CCND1: variants seen among roughly 807,000 people sequenced by gnomAD.
CCND1 encodes the protein cyclin D1, also known as G1/S-specific cyclin-D1.
In CCND1, 9 loss-of-function variants were observed where a neutral mutation model predicts 26.1. That is an observed-to-expected ratio of 0.35 (90% confidence interval 0.21 to 0.60). The LOEUF is 0.60. Ranked by LOEUF, CCND1 falls within the 20% of genes least tolerant of loss-of-function variation. CCND1 has a pLI of 0.79. For synonymous variants in CCND1, 194 were observed against 166.1 expected (o/e 1.17, Z -1.29); for missense variants, 335 against 392.9 (o/e 0.85, Z 1.25).
chr11:69,648,690 GAATT>G (rs1460375534), intron 4 of CCND1, among the ~76,000 whole-genome samples: 2 of 141,908 alleles, frequency 1.4e-5, no homozygotes, highest in Non-Finnish European at 3.2e-5. Context: ...CTTAAAGAAA[GAATT>G]AAAATGACAA....
intron 3 of CCND1, among the ~76,000 whole-genome samples, chr11:69,645,319 G>A (rs1013697498): frequency 2.0e-5 from 3 of 152,176 alleles, no homozygotes; most frequent in Admixed American, 2.0e-4. Flanking sequence ...AGAGAACGTG[G>A]GGCGTGGTTC....
chr11:69,641,262 G>T lies in CCND1; in HGVS notation c.-52G>T. 1 of 1,550,070 alleles carries T rather than the reference G, an allele frequency of 6.5e-7. No homozygotes were observed. The highest frequency in any genetic ancestry group is 2.3e-5 in the East Asian group (1 of 44,398). The stretch of plus-strand genomic sequence containing the variant: ...GCAGCAGAAGCGAGAGCCGAGCGCG[G>T]ACCCAGCCAGGACCCACAGCCCTCC... On this transcript the variant is annotated 5_prime_UTR_variant, in exon 1 of 5. Transcript: ENST00000227507.
Position 69,641,234 on chromosome 11 carries a change from G to C in CCND1, c.-80G>C, listed in dbSNP as rs977513516. The C allele has an allele frequency of 2.7e-5, 37 of 1,359,884 alleles. No homozygotes were observed. Among genetic ancestry groups the C allele is most frequent in the Non-Finnish European group, 3.4e-5 (33 of 965,332 alleles). The allele number at this position is 1,359,884 out of a possible 1,614,324, so 84.2% of individuals were successfully genotyped here. A position where few individuals can be genotyped will look rare whatever the true frequency, so the allele number is the denominator to read the frequency against. On this transcript the variant is annotated 5_prime_UTR_variant, in exon 1 of 5. Coordinates refer to ENST00000227507, the MANE Select transcript of CCND1 (RefSeq NM_053056.3). ...GGGGCAGAAGAGCGCGAGGGAGCGC[G>C]GGGCAGCAGAAGCGAGAGCCGAGCG... is the stretch of plus-strand genomic sequence containing the variant.
intron 3 of CCND1, among the ~76,000 whole-genome samples, chr11:69,646,385 C>T (rs1459751319): frequency 6.6e-6 from 1 of 152,162 alleles, no homozygotes; most frequent in Non-Finnish European, 1.5e-5. Context: ...TTCCCGGCCC[C>T]TCGCCGGCGG....
At chr11:69,647,370 G>C (rs2120106329) in intron 3 of CCND1, among the ~76,000 whole-genome samples, 1 of 152,266 alleles carries the variant, frequency 6.6e-6, no homozygotes, top group East Asian at 1.9e-4. Flanking sequence ...GGCTCTCCTG[G>C]CGCCAGGGCC....
chr11:69,646,135 G>T (rs559853388), intron 3 of CCND1, among the ~76,000 whole-genome samples: 2 of 152,300 alleles, frequency 1.3e-5, no homozygotes, highest in South Asian at 2.1e-4. Flanking sequence ...GAGACGGGGG[G>T]GTGCACAAGG....
chr11:69,643,379 G>T (rs1170212934), intron 2 of CCND1, 133 bp downstream of exon 2: 2 of 665,472 alleles, frequency 3.0e-6, no homozygotes, highest in Non-Finnish European at 4.7e-6. Context: ...CGGCCCCGCC[G>T]CCGGGCGTCC....
rs1192312607 is a variant in CCND1 at position 69,653,534 on chromosome 11, C to T, written c.*2252C>T. 14 of 552,234 alleles carry T rather than the reference C, an allele frequency of 2.5e-5. No individual in the cohort carries two copies. The East Asian group carries it at 4.1e-4, about 16-fold the overall frequency. The allele number at this position is 552,234 out of a possible 1,614,324, so 34.2% of individuals were successfully genotyped here. A position where few individuals can be genotyped will look rare whatever the true frequency, so the allele number is the denominator to read the frequency against. On this transcript the variant is annotated 3_prime_UTR_variant, in exon 5 of 5. Transcript: ENST00000227507. ...ACTTAGCCATGGTGGACCCAGCGGG[C>T]AGGTTCTGCCTGCTTTGGCGGGCAG...
At chr11:69,647,169 T>C (rs3212873) in intron 3 of CCND1, among the ~76,000 whole-genome samples, 2,092 of 152,346 alleles carry the variant, frequency 0.014, 44 homozygotes, top group African/African-American at 0.046. Context: ...ACTGGAATTG[T>C]TGGGCTACAT....
intron 4 of CCND1, among the ~76,000 whole-genome samples, chr11:69,648,400 G>A (rs116653458): frequency 0.011 from 1,679 of 152,358 alleles, 33 homozygotes; most frequent in African/African-American, 0.039. Flanking sequence ...GAGTTTCTGG[G>A]CGAAGCGTCC....
In CCND1 at chr11:69,643,073, G is replaced by T; in HGVS notation, c.241G>T (p.Ala81Ser). The T allele has an allele frequency of 6.2e-7, 1 of 1,609,006 alleles. No homozygotes were observed. The highest frequency in any genetic ancestry group is 8.5e-7 in the Non-Finnish European group (1 of 1,178,198). The part of the protein sequence containing the change: ...QKCEEEVFPL[A>S]MNYLDRFLSL... ...GTGCGAGGAGGAGGTCTTCCCGCTG[G>T]CCATGAACTACCTGGACCGCTTCCT... Residue 81 changes from alanine to serine, a missense_variant, in exon 2 of 5, where the codon GCC becomes TCC. Coordinates refer to ENST00000227507, the MANE Select transcript of CCND1 (RefSeq NM_053056.3).
At chr11:69,644,112 C>A in intron 3 of CCND1, 121 bp downstream of exon 3, 1 of 892,138 alleles carries the variant, frequency 1.1e-6, no homozygotes, top group South Asian at 1.4e-5. Context: ...CCCCCTCCTG[C>A]GCTGGAGAGC....
chr11:69,645,368 C>G (rs1457408149), intron 3 of CCND1, among the ~76,000 whole-genome samples: 3 of 152,214 alleles, frequency 2.0e-5, no homozygotes, highest in Non-Finnish European at 4.4e-5. Context: ...AGCAGTGGAG[C>G]TCCCCTCCCA....
chr11:69,643,156 C>T lies in CCND1; in HGVS notation c.324C>T (p.Phe108=), dbSNP rs751995000. ...AGCTGCTGGGGGCCACTTGCATGTT[C>T]GTGGCCTCTAAGATGAAGGAGACCA... The part of the protein sequence containing the change: ...RLQLLGATCM[F]VASKMKETIP... Residue 108 remains phenylalanine (F), a synonymous_variant, in exon 2 of 5, where the codon TTC becomes TTT. Coordinates refer to ENST00000227507, the MANE Select transcript of CCND1 (RefSeq NM_053056.3). The T allele has an allele frequency of 1.2e-6, 2 of 1,609,310 alleles. No individual in the cohort carries two copies. Among genetic ancestry groups the T allele is most frequent in the Non-Finnish European group, 1.7e-6 (2 of 1,178,124 alleles).
rs142276895 is a variant in CCND1 at position 69,647,371 on chromosome 11, C to T, written c.575-623C>T. On this transcript the variant is annotated intron_variant, in intron 3 of 4. Coordinates refer to ENST00000227507, the MANE Select transcript of CCND1 (RefSeq NM_053056.3). ...AGTGAGCCAAGCCGGGCTCTCCTGG[C>T]GCCAGGGCCTGAGCCGCAGCCACAC... Among the ~76,000 whole-genome samples, 12 of 152,242 alleles carry T rather than the reference C, an allele frequency of 7.9e-5. 1 individual carries two copies. The highest frequency in any genetic ancestry group is 3.9e-4 in the East Asian group (2 of 5,166).
At chr11:69,649,222 C>T (rs1855824216) in intron 4 of CCND1, among the ~76,000 whole-genome samples, 1 of 152,152 alleles carries the variant, frequency 6.6e-6, no homozygotes, top group Non-Finnish European at 1.5e-5. Context: ...AAGAGAAAGC[C>T]CCTCCATCAA....
intron 4 of CCND1, among the ~76,000 whole-genome samples, chr11:69,650,223 TC>T (rs1288218047): frequency 6.6e-6 from 1 of 152,226 alleles, no homozygotes; most frequent in Non-Finnish European, 1.5e-5. Flanking sequence ...TAGCGTGGCT[TC>T]CTGGCAGTTG....
chr11:69,649,665 G>A (rs186306555), intron 4 of CCND1, among the ~76,000 whole-genome samples: 3 of 152,334 alleles, frequency 2.0e-5, no homozygotes, highest in Admixed American at 6.5e-5. Context: ...TGGGAGAACA[G>A]CTTTGTCCAC....
intron 3 of CCND1, among the ~76,000 whole-genome samples, chr11:69,647,243 C>T (rs1381998811): frequency 6.6e-6 from 1 of 152,198 alleles, no homozygotes; most frequent in Non-Finnish European, 1.5e-5. Context: ...GTAGAGGGCC[C>T]GGGTGGAGTT....
Sources: gnomAD v4.1 joint callset for allele counts (sites outside exome capture counted in the v4.1 genomes callset) on GRCh38, gnomAD v4.1.1 for gene constraint, MANE v1.5 for transcripts, NCBI Gene and HGNC (gene_info 2026-07-23, HGNC 2026-07-21) for gene names.